The following GPRC6A variants were observed in gnomAD, a reference collection of about 807,000 sequenced individuals.
GPRC6A encodes G protein-coupled receptor family C group 6 member A.
A neutral mutation model predicts 47.0 loss-of-function variants in GPRC6A; 54 were observed. The ratio of observed to expected loss-of-function variants is 1.15; its 90% CI spans 0.92 to 1.44. The LOEUF is 1.44. Among genes scored for constraint, GPRC6A ranks in the 40% most tolerant of loss-of-function variants. The pLI, the probability that GPRC6A is intolerant of heterozygous loss-of-function variation, is 0.00. For missense variants in GPRC6A, 1,112 were observed against 1,105.5 expected, an observed-to-expected ratio of 1.01 and a Z score of -0.08; for synonymous variants, 347 against 377.1, an observed-to-expected ratio of 0.92 and a Z score of 0.93.
At chr6:116,819,235 T>A (rs1466098857) in intron 1 of GPRC6A, among the ~76,000 whole-genome samples, 1 of 151,258 alleles carries the variant, frequency 6.6e-6, no homozygotes, top group Non-Finnish European at 1.5e-5. Flanking sequence ...ACAAAGAGAC[T>A]TAGACTCCCA....
intron 1 of GPRC6A, among the ~76,000 whole-genome samples, chr6:116,817,253 G>T (rs1342725752): frequency 6.6e-6 from 1 of 152,132 alleles, no homozygotes; most frequent in Non-Finnish European, 1.5e-5. Context: ...AGCCTAACTG[G>T]GAGGCACCCC....
At chr6:116,802,893 T>C (rs1772722334) in intron 3 of GPRC6A, among the ~76,000 whole-genome samples, 1 of 152,146 alleles carries the variant, frequency 6.6e-6, no homozygotes, top group African/African-American at 2.4e-5. Context: ...TGTATATCAG[T>C]ACCTAGAACC....
At chr6:116,826,973 C>A (rs1376478792) in intron 1 of GPRC6A, among the ~76,000 whole-genome samples, 1 of 151,886 alleles carries the variant, frequency 6.6e-6, no homozygotes, top group Non-Finnish European at 1.5e-5. Context: ...CATATGTTCT[C>A]ACTCATATGT....
intron 1 of GPRC6A, among the ~76,000 whole-genome samples, chr6:116,827,899 C>T (rs1440141720): frequency 6.6e-6 from 1 of 151,860 alleles, no homozygotes; most frequent in Non-Finnish European, 1.5e-5. Flanking sequence ...TTGGGAAATA[C>T]TTCGTTGATA....
intron 1 of GPRC6A, among the ~76,000 whole-genome samples, chr6:116,824,052 A>G (rs1054685015): frequency 1.3e-5 from 2 of 152,152 alleles, no homozygotes; most frequent in African/African-American, 4.8e-5. Flanking sequence ...AAAGACACAG[A>G]TCCAAACCAT....
intron 1 of GPRC6A, among the ~76,000 whole-genome samples, chr6:116,816,027 C>A (rs1224092259): frequency 1.3e-5 from 2 of 152,182 alleles, no homozygotes; most frequent in African/African-American, 4.8e-5. Flanking sequence ...GTTAGCACCT[C>A]ACATAGCCAG....
intron 1 of GPRC6A, among the ~76,000 whole-genome samples, chr6:116,811,541 A>G (rs140515496): frequency 1.5e-3 from 221 of 152,242 alleles, no homozygotes; most frequent in African/African-American, 5.0e-3. Context: ...ATTCCAGAAA[A>G]AGAATCCAAA....
chr6:116,811,821 A>T (rs1773034049), intron 1 of GPRC6A, among the ~76,000 whole-genome samples: 1 of 152,148 alleles, frequency 6.6e-6, no homozygotes, highest in Non-Finnish European at 1.5e-5. Context: ...CCAGCCATGA[A>T]AATATAAAGG....
chr6:116,814,177 A>T (rs1039596767), intron 1 of GPRC6A, among the ~76,000 whole-genome samples: 1 of 152,198 alleles, frequency 6.6e-6, no homozygotes, highest in Non-Finnish European at 1.5e-5. Context: ...TGGTTCAACC[A>T]TTGTGGAAGA....
chr6:116,805,457 T>C (rs757359566), intron 3 of GPRC6A, among the ~76,000 whole-genome samples: 7 of 152,046 alleles, frequency 4.6e-5, no homozygotes, highest in Non-Finnish European at 8.8e-5. Context: ...TCTTTTCTCT[T>C]ACAAATTTAA....
At chr6:116,795,352 ATT>A (rs944203607) in intron 5 of GPRC6A, among the ~76,000 whole-genome samples, 1 of 151,852 alleles carries the variant, frequency 6.6e-6, no homozygotes, top group Non-Finnish European at 1.5e-5. Flanking sequence ...ACTTATTTGT[ATT>A]TTTTTTGTAC....
In GPRC6A at chr6:116,818,532, T is replaced by TCAAAAAAAAA. The variant is rs1554263527; in HGVS notation, c.195-8916_195-8915insTTTTTTTTTG. ...CTGGGCGACAGAGCGAGACTCCGTCTAAAAAAAAAAAAAAAAAAAAAAAAA... is the reference window on the plus strand; with the variant it reads ...CTGGGCGACAGAGCGAGACTCCGTCTCAAAAAAAAAAAAAAAAAAAAAAAAAAAAAAAAAA... On this transcript the variant is annotated intron_variant, in intron 1 of 5. Coordinates refer to ENST00000310357, the MANE Select transcript of GPRC6A (RefSeq NM_148963.4). Among the ~76,000 whole-genome samples the TCAAAAAAAAA allele has an allele frequency of 2.1e-3, 32 of 15,506 alleles. 13 individuals carry two copies. The highest frequency in any genetic ancestry group is 5.9e-3 in the Admixed American group (7 of 1,190). The allele number at this position is 15,506 out of a possible 152,430, so 10.2% of individuals were successfully genotyped here.
chr6:116,804,299 A>G (rs988778034), intron 3 of GPRC6A, among the ~76,000 whole-genome samples: 8 of 152,076 alleles, frequency 5.3e-5, no homozygotes, highest in African/African-American at 1.9e-4. Context: ...GGCCAAAATA[A>G]GTGCTATCCT....
chr6:116,804,148 A>G (rs1429679160), intron 3 of GPRC6A, among the ~76,000 whole-genome samples: 3 of 152,082 alleles, frequency 2.0e-5, no homozygotes, highest in African/African-American at 7.2e-5. Context: ...AAAACAAACA[A>G]ACAAAAAAAC....
At chr6:116,817,206 C>A (rs1216356385) in intron 1 of GPRC6A, among the ~76,000 whole-genome samples, 2 of 152,094 alleles carry the variant, frequency 1.3e-5, no homozygotes, top group Admixed American at 1.3e-4. Flanking sequence ...GGGCAGACTG[C>A]CTCCTCAAGT....
chr6:116,795,899 A>T, intron 4 of GPRC6A, 64 bp from the exon 5 acceptor site: 1 of 1,107,178 alleles, frequency 9.0e-7, no homozygotes, highest in Non-Finnish European at 1.3e-6. Flanking sequence ...CTAATCGATT[A>T]TCCTCGGCTT....
At chr6:116,796,643 C>A (rs1273741686) in intron 4 of GPRC6A, among the ~76,000 whole-genome samples, 1 of 152,188 alleles carries the variant, frequency 6.6e-6, no homozygotes, top group African/African-American at 2.4e-5. Context: ...CTCTGGAACA[C>A]AACTGAAGTA....
rs117559346 is a variant in GPRC6A at position 116,794,172 on chromosome 6, C to A, written c.1673-922G>T. Among the ~76,000 whole-genome samples, 570 of 152,268 alleles carry A rather than the reference C, an allele frequency of 3.7e-3. 5 individuals carry two copies. Among genetic ancestry groups the A allele is most frequent in the Middle Eastern group, 0.024 (7 of 294 alleles). On this transcript the variant is annotated intron_variant, in intron 5 of 5. Transcript: ENST00000310357. ...CTGTCAGGGCATTCATCTGATGACA[C>A]CCCACAGCCTGTACAACTCTTTAAA...
rs1382850594 is a variant in GPRC6A, at chr6:116,800,783, A to G, written c.1349T>C (p.Leu450Pro). 5.6e-6 allele frequency: 9 copies of G among 1,602,458 alleles called. No homozygotes were observed. Among genetic ancestry groups the G allele is most frequent in the African/African-American group, 4.0e-5 (3 of 74,720 alleles). ...TCCATCAGTGAATGTCACATTTTTT[A>G]GCACACCAAGTAACTATAAAAAATA... ...AFQPWELLGV[L>P]KNVTFTDGWN... is the part of the protein sequence containing the mutation. Residue 450 changes from leucine (L) to proline (P), a missense_variant, in exon 4 of 6, where the codon CTA becomes CCA. Transcript: ENST00000310357.
Sources: gnomAD v4.1 joint callset for allele counts (sites outside exome capture counted in the v4.1 genomes callset) on GRCh38, gnomAD v4.1.1 for gene constraint, MANE v1.5 for transcripts, NCBI Gene and HGNC (gene_info 2026-07-23, HGNC 2026-07-21) for gene names.